The following PLCB1 variants were observed in gnomAD, a reference collection of about 807,000 sequenced individuals.
The protein encoded by PLCB1 is 1-phosphatidylinositol 4,5-bisphosphate phosphodiesterase beta-1.
In PLCB1, 46 loss-of-function variants were observed where a neutral mutation model predicts 161.8. The ratio of observed to expected loss-of-function variants is 0.28; its 90% CI spans 0.22 to 0.36. The LOEUF (loss-of-function observed/expected upper bound fraction) is 0.36. Among genes scored for constraint, PLCB1 ranks in the 10% least tolerant of loss-of-function variants. The pLI is 1.00. For synonymous variants in PLCB1, 517 were observed against 503.7 expected, an observed-to-expected ratio of 1.03 and a Z score of -0.35; for missense variants, 1,016 against 1,472.5, an observed-to-expected ratio of 0.69 and a Z score of 5.07.
intron 2 of PLCB1, among the ~76,000 whole-genome samples, chr20:8,349,239 G>A (rs569394258): frequency 1.3e-5 from 2 of 152,268 alleles, no homozygotes; most frequent in East Asian, 3.9e-4. Flanking sequence ...AGATTAAAAG[G>A]AAAGATTAGA....
At chr20:8,535,905 C>T (rs564000128) in intron 3 of PLCB1, among the ~76,000 whole-genome samples, 15 of 152,112 alleles carry the variant, frequency 9.9e-5, no homozygotes, top group African/African-American at 1.4e-4. Flanking sequence ...AAGGCCCTTA[C>T]GGAGGCTGTA....
chr20:8,455,471 C>T (rs1204626049), intron 3 of PLCB1, among the ~76,000 whole-genome samples: 4 of 113,146 alleles, frequency 3.5e-5, no homozygotes, highest in South Asian at 3.0e-4. Context: ...GACGGAGTCT[C>T]GCTCTGTCAC....
rs565064313 is a variant in PLCB1, at chr20:8,561,044, G to A, written c.247-67250G>A. Among the ~76,000 whole-genome samples, 15 of 151,944 alleles carry A rather than the reference G, an allele frequency of 9.9e-5. No individual in the cohort carries two copies. In the South Asian group the frequency reaches 3.1e-3, roughly 32 times the overall value. Reference sequence around the variant, plus strand: ...AAAAGTGGTGATAAACTAGGATATGGAACGAGGAATCAAAGTCCTATCTAG... The same window carrying A: ...AAAAGTGGTGATAAACTAGGATATGAAACGAGGAATCAAAGTCCTATCTAG... On this transcript the variant is annotated intron_variant, in intron 3 of 31. Transcript: ENST00000338037.
intron 31 of PLCB1, among the ~76,000 whole-genome samples, chr20:8,853,869 A>AT (rs1986972648): frequency 6.6e-6 from 1 of 152,204 alleles, no homozygotes. Context: ...TCAAAGCGTT[A>AT]TTCAACAAAG....
At chr20:8,752,724 T>C (rs1334276828) in intron 23 of PLCB1, among the ~76,000 whole-genome samples, 1 of 147,210 alleles carries the variant, frequency 6.8e-6, no homozygotes, top group Non-Finnish European at 1.5e-5. Context: ...ACCCAGGAGG[T>C]GGAGGTTGCA....
intron 2 of PLCB1, among the ~76,000 whole-genome samples, chr20:8,276,575 T>C (rs1055854169): frequency 5.9e-5 from 9 of 152,234 alleles, no homozygotes; most frequent in African/African-American, 2.2e-4. Flanking sequence ...TTTTTTACAC[T>C]GTTAACTCCT....
At chr20:8,137,262 G>A (rs996527715) in intron 1 of PLCB1, among the ~76,000 whole-genome samples, 1 of 152,206 alleles carries the variant, frequency 6.6e-6, no homozygotes, top group Non-Finnish European at 1.5e-5. Flanking sequence ...ATGATGACAA[G>A]ATGACACTCA....
intron 3 of PLCB1, among the ~76,000 whole-genome samples, chr20:8,612,990 G>A (rs1363022420): frequency 2.6e-5 from 4 of 152,170 alleles, no homozygotes; most frequent in East Asian, 1.9e-4. Flanking sequence ...AGATCTGGAT[G>A]TGAGATGTGT....
At chr20:8,372,814 A>G (rs1183562128) in intron 3 of PLCB1, among the ~76,000 whole-genome samples, 5 of 152,226 alleles carry the variant, frequency 3.3e-5, no homozygotes, top group African/African-American at 9.6e-5. Context: ...TATGAAATTT[A>G]TCTTTGAACC....
intron 2 of PLCB1, among the ~76,000 whole-genome samples, chr20:8,217,975 TA>T: frequency 6.6e-6 from 1 of 152,222 alleles, no homozygotes; most frequent in East Asian, 1.9e-4. Flanking sequence ...CCTCCAGAAC[TA>T]TAAGAAACAA....
At chr20:8,201,158 T>G (rs2052087691) in intron 2 of PLCB1, among the ~76,000 whole-genome samples, 1 of 152,058 alleles carries the variant, frequency 6.6e-6, no homozygotes, top group Admixed American at 6.6e-5. Context: ...TTTATTTGGG[T>G]TTCTTTAGTT....
At chr20:8,762,652 C>T (rs529576603) in intron 25 of PLCB1, among the ~76,000 whole-genome samples, 54 of 152,200 alleles carry the variant, frequency 3.5e-4, no homozygotes, top group Non-Finnish European at 4.3e-4. Flanking sequence ...ATTATGCAAC[C>T]ATAATGAGTC....
intron 3 of PLCB1, among the ~76,000 whole-genome samples, chr20:8,584,366 T>G (rs1253370778): frequency 2.0e-5 from 3 of 152,118 alleles, no homozygotes; most frequent in Admixed American, 6.6e-5. Flanking sequence ...ATCTTTAGTT[T>G]CTTCTTTCTC....
intron 3 of PLCB1, among the ~76,000 whole-genome samples, chr20:8,532,053 T>C (rs2122920489): frequency 6.6e-6 from 1 of 152,240 alleles, no homozygotes; most frequent in South Asian, 2.1e-4. Flanking sequence ...TAAGTTGGGG[T>C]TTAGAGGGGC....
intron 2 of PLCB1, among the ~76,000 whole-genome samples, chr20:8,282,191 G>A (rs1298859106): frequency 6.6e-6 from 1 of 152,170 alleles, no homozygotes; most frequent in Non-Finnish European, 1.5e-5. Context: ...TGAGGTGTAT[G>A]TCAAGCATTG....
At chr20:8,236,115 C>A (rs981642782) in intron 2 of PLCB1, among the ~76,000 whole-genome samples, 6 of 152,020 alleles carry the variant, frequency 3.9e-5, no homozygotes, top group Non-Finnish European at 8.8e-5. Flanking sequence ...CTAAAAAATG[C>A]TGAGGGAATT....
At chr20:8,805,783 T>A (rs1289164200) in intron 31 of PLCB1, among the ~76,000 whole-genome samples, 1 of 152,226 alleles carries the variant, frequency 6.6e-6, no homozygotes, top group Non-Finnish European at 1.5e-5. Flanking sequence ...AAGCTAAGAT[T>A]TTATGATCTA....
chr20:8,193,053 A>G (rs1301192326), intron 2 of PLCB1, among the ~76,000 whole-genome samples: 1 of 152,026 alleles, frequency 6.6e-6, no homozygotes, highest in Non-Finnish European at 1.5e-5. Context: ...CTGCCTTTGC[A>G]TATGAAATGG....
At chr20:8,643,619 A>C (rs1989025981) in intron 4 of PLCB1, among the ~76,000 whole-genome samples, 1 of 152,064 alleles carries the variant, frequency 6.6e-6, no homozygotes, top group Admixed American at 6.6e-5. Context: ...GTGGCAAAGC[A>C]ATTAAACTAA....
Sources: allele counts gnomAD v4.1 joint callset (sites outside exome capture counted in the v4.1 genomes callset), GRCh38; gene constraint gnomAD v4.1.1; transcripts MANE v1.5; gene names NCBI Gene and HGNC (gene_info 2026-07-23, HGNC 2026-07-21).